The following OTOGL variants were observed in gnomAD, a reference collection of about 807,000 sequenced individuals.
OTOGL encodes the protein otogelin-like protein.
Under a neutral mutation model 318.5 loss-of-function variants are expected in OTOGL, and 285 were observed. That is an observed-to-expected ratio of 0.89 (90% CI 0.81 to 0.99). The LOEUF is 0.99. OTOGL is among the 50% of genes least tolerant of loss of function. OTOGL has a pLI of 0.00. For missense variants in OTOGL, 2,899 were observed against 2,845.6 expected, an observed-to-expected ratio of 1.02 and a Z score of -0.43; for synonymous variants, 987 against 936.5, an observed-to-expected ratio of 1.05 and a Z score of -0.99.
At chr12:80,370,496 AT>A in intron 55 of OTOGL, 73 bp from the exon 56 acceptor site, 1 of 1,243,166 alleles carries the variant, frequency 8.0e-7, no homozygotes, top group Non-Finnish European at 1.1e-6. Flanking sequence ...TTTTTATTCA[AT>A]AGAATAATAT....
chr12:80,318,231 A>C (rs1332331529), intron 32 of OTOGL, among the ~76,000 whole-genome samples: 1 of 152,062 alleles, frequency 6.6e-6, no homozygotes, highest in Non-Finnish European at 1.5e-5. Context: ...GCATGTATTG[A>C]GTTAAATTGG....
intron 57 of OTOGL, among the ~76,000 whole-genome samples, chr12:80,374,749 A>G (rs1398504038): frequency 1.3e-5 from 2 of 151,926 alleles, no homozygotes; most frequent in Non-Finnish European, 2.9e-5. Flanking sequence ...CTATATCCCC[A>G]TGTTAATTAT....
intron 14 of OTOGL, among the ~76,000 whole-genome samples, chr12:80,253,999 C>T (rs1298597600): frequency 6.6e-6 from 1 of 152,044 alleles, no homozygotes; most frequent in African/African-American, 2.4e-5. Context: ...TATGAAATCC[C>T]TGCAGGACAG....
Position 80,260,426 on chromosome 12 carries a change from C to T in OTOGL, c.1890-1543C>T, listed in dbSNP as rs112630751. ...GGGTCAGCAGTCAATGTTTAAGAGT[C>T]GGCAGATCTGTCTGCCTCTTTCTAA... On this transcript the variant is annotated intron_variant, in intron 18 of 58. Transcript: ENST00000547103. 2.4e-3 allele frequency among the ~76,000 whole-genome samples: 368 copies of T among 152,170 alleles called. 5 individuals are homozygous for T. The highest frequency in any genetic ancestry group is 8.4e-3 in the African/African-American group (349 of 41,532).
chr12:80,376,675 TGTG>T (rs1891191959), intron 57 of OTOGL, among the ~76,000 whole-genome samples: 1 of 152,164 alleles, frequency 6.6e-6, no homozygotes, highest in Non-Finnish European at 1.5e-5. Context: ...ATTAAGATAA[TGTG>T]GTTTTAAATC....
chr12:80,357,761 A>G (rs1340086457), intron 49 of OTOGL, among the ~76,000 whole-genome samples: 1 of 152,140 alleles, frequency 6.6e-6, no homozygotes, highest in Non-Finnish European at 1.5e-5. Flanking sequence ...GTTTCTACAG[A>G]GTGGCCTGGT....
intron 11 of OTOGL, among the ~76,000 whole-genome samples, chr12:80,241,604 T>C (rs1273748390): frequency 6.6e-6 from 1 of 152,196 alleles, no homozygotes; most frequent in Non-Finnish European, 1.5e-5. Flanking sequence ...GCCTTATCTT[T>C]AATATCTTTA....
rs1401378148 is a variant in OTOGL, at chr12:80,380,308, C to T, written c.*2260C>T. The T allele has an allele frequency of 6.6e-6, 1 of 151,464 alleles. No homozygotes were observed. The highest frequency in any genetic ancestry group is 1.5e-5 in the Non-Finnish European group (1 of 67,796). 9.4% of individuals were successfully genotyped at this position (151,464 alleles called of 1,614,324 possible). A position where few individuals can be genotyped will look rare whatever the true frequency, so the allele number is the denominator to read the frequency against. ...GAAAACTGAAAACAGACAAATTCTG[C>T]TTGGTAGAAAAAAGTCAAAAAAAGA... On this transcript the variant is annotated 3_prime_UTR_variant, in exon 59 of 59. Coordinates refer to ENST00000547103, the MANE Select transcript of OTOGL (RefSeq NM_001378609.3).
rs1342088176 is a variant in OTOGL at position 80,296,868 on chromosome 12, G to T, written c.2970G>T (p.Lys990Asn). The change falls in exon 27 of 59, where the codon AAG (lysine) becomes AAT (asparagine). Residue 990 changes from lysine to asparagine, a missense_variant. Lys to Asn is a moderately conservative substitution (Grantham distance 94, BLOSUM62 0). Around this residue, in one of 3 missense-constraint regions of OTOGL, gnomAD observed 2,607 missense variants for 2,524.9 expected, o/e 1.03. Coordinates refer to ENST00000547103, the MANE Select transcript of OTOGL (RefSeq NM_001378609.3). ...DSDISVIAQN[K>N]KCFDNDIVCS... ...ATATATCTGTCATTGCCCAGAACAA[G>T]AAATGCTTTGACAACGATATTGTTT... is the stretch of plus-strand genomic sequence containing the variant. 8 of 1,528,370 alleles carry T rather than the reference G, an allele frequency of 5.2e-6. No individual in the cohort carries two copies. The highest frequency in any genetic ancestry group is 7.0e-6 in the Non-Finnish European group (8 of 1,139,156). 94.7% of individuals were successfully genotyped at this position (1,528,370 alleles called of 1,614,324 possible). A position where few individuals can be genotyped will look rare whatever the true frequency, so the allele number is the denominator to read the frequency against.
rs1279912790 is a variant in OTOGL, at chr12:80,238,915, C to T, written c.882C>T (p.Thr294=). 1 of 1,593,932 alleles carries T rather than the reference C, an allele frequency of 6.3e-7. No individual in the cohort carries two copies. Among genetic ancestry groups the T allele is most frequent in the Admixed American group, 1.7e-5 (1 of 59,376 alleles). The change falls in exon 10 of 59, where the codon ACC becomes ACT. Residue 294 remains threonine (T), a synonymous_variant. Coordinates refer to ENST00000547103, the MANE Select transcript of OTOGL (RefSeq NM_001378609.3). ...NSWSVQTPDD[T]KCVLTPSDFP... ...GGTCGGTGCAAACTCCAGATGACAC[C>T]AAATGTGTACTCACACCCTCAGATT...
chr12:80,256,584 GTT>G (rs1380794148), intron 17 of OTOGL, 124 bp downstream of exon 17: 7 of 1,340,426 alleles, frequency 5.2e-6, no homozygotes, highest in Non-Finnish European at 5.9e-6. Flanking sequence ...CATTTATAGA[GTT>G]TGTATGTGTC....
intron 50 of OTOGL, 124 bp from the exon 51 acceptor site, chr12:80,358,547 G>C: frequency 1.2e-6 from 1 of 866,534 alleles, no homozygotes; most frequent in East Asian, 2.6e-5. Context: ...TCTGACGGTG[G>C]GAGAGGTAGC....
At chr12:80,270,286 G>A in intron 23 of OTOGL, 132 bp downstream of exon 23, 1 of 713,498 alleles carries the variant, frequency 1.4e-6, no homozygotes, top group Admixed American at 2.9e-5. Flanking sequence ...CTTCAACATG[G>A]TGTTCCAGTG....
At chr12:80,104,737 A>G (rs528213696) in intron 1 of OTOGL, among the ~76,000 whole-genome samples, 3 of 152,276 alleles carry the variant, frequency 2.0e-5, no homozygotes, top group South Asian at 4.1e-4. Context: ...AGGATTGTGT[A>G]TCATCAATCT....
intron 1 of OTOGL, among the ~76,000 whole-genome samples, chr12:80,150,588 G>C (rs1396715042): frequency 2.0e-5 from 3 of 152,146 alleles, no homozygotes; most frequent in South Asian, 4.1e-4. Context: ...CTGCAGCCTT[G>C]TTAGTGGAGC....
rs747153629 is a variant in OTOGL at position 80,255,126 on chromosome 12, G to A, written c.1528G>A (p.Val510Met). Reference sequence around the variant, plus strand: ...TATTGGCATGTGCCAATACATCCTCGTGAAAGGAACTGGAAAAGATAAATT... The same window carrying A: ...TATTGGCATGTGCCAATACATCCTCATGAAAGGAACTGGAAAAGATAAATT... ...SFIGMCQYILVKGTGKDKFTI... is the reference protein window; with the variant it reads ...SFIGMCQYILMKGTGKDKFTI... Residue 510 changes from valine to methionine, a missense_variant, in exon 16 of 59, where the codon GTG becomes ATG. Val to Met is a conservative substitution (Grantham distance 21, BLOSUM62 1). This residue lies in a region of OTOGL where 2,607 missense variants were observed against 2,524.9 expected (regional missense o/e 1.03). Coordinates refer to ENST00000547103, the MANE Select transcript of OTOGL (RefSeq NM_001378609.3). The A allele has an allele frequency of 5.3e-5, 81 of 1,525,124 alleles. 1 individual carries two copies. Among genetic ancestry groups the A allele is most frequent in the Non-Finnish European group, 6.8e-5 (77 of 1,138,566 alleles). The allele number at this position is 1,525,124 out of a possible 1,614,324, so 94.5% of individuals were successfully genotyped here.
At chr12:80,138,220 G>A (rs548690307) in intron 1 of OTOGL, among the ~76,000 whole-genome samples, 80 of 152,072 alleles carry the variant, frequency 5.3e-4, no homozygotes, top group African/African-American at 1.9e-3. Context: ...CTTTCTTTCT[G>A]TTAGAAAGAA....
At position 80,326,867 on chromosome 12, in the gene OTOGL, A is replaced by G. The variant is rs570345355; in HGVS notation, c.4200-1798A>G. ...AAAAGTGTTGCCTGGATTTGCCTCC[A>G]AGAACAAGGGTCTTCTGAGCAGCAT... is the stretch of plus-strand genomic sequence containing the variant. On this transcript the variant is annotated intron_variant, in intron 35 of 58. Transcript: ENST00000547103. Among the ~76,000 whole-genome samples, 245 of 152,330 alleles carry G rather than the reference A, an allele frequency of 1.6e-3. 1 individual carries two copies. Among genetic ancestry groups the G allele is most frequent in the Non-Finnish European group, 3.1e-3 (211 of 68,014 alleles).
intron 1 of OTOGL, among the ~76,000 whole-genome samples, chr12:80,201,979 T>C (rs1401762636): frequency 2.0e-5 from 3 of 152,166 alleles, no homozygotes; most frequent in African/African-American, 7.2e-5. Flanking sequence ...GATTCTTAAA[T>C]GAATGCTTTT....
Sources: gnomAD v4.1 joint callset for allele counts (sites outside exome capture counted in the v4.1 genomes callset) on GRCh38, gnomAD v4.1.1 for gene constraint, gnomAD v4.1.1 regional missense constraint, MANE v1.5 for transcripts, NCBI Gene and HGNC (gene_info 2026-07-23, HGNC 2026-07-21) for gene names.